The following PLEKHG1 variants were observed in gnomAD, a reference collection of about 807,000 sequenced individuals.
PLEKHG1 encodes the protein pleckstrin homology domain-containing family G member 1.
Under a neutral mutation model 100.8 loss-of-function variants are expected in PLEKHG1, and 44 were observed. That is an observed-to-expected ratio of 0.44 (90% CI 0.34 to 0.56). The LOEUF is 0.56. Ranked by LOEUF, PLEKHG1 falls within the 20% of genes least tolerant of loss-of-function variation. PLEKHG1 has a pLI of 0.01. For synonymous variants in PLEKHG1, 640 were observed against 662.5 expected (o/e 0.97, Z 0.52); for missense variants, 1,545 against 1,720.9 (o/e 0.90, Z 1.81).
At chr6:150,666,457 T>C (rs947057559) in intron 3 of PLEKHG1, among the ~76,000 whole-genome samples, 3 of 152,212 alleles carry the variant, frequency 2.0e-5, no homozygotes, top group African/African-American at 7.2e-5. Flanking sequence ...GGTCCGTTCA[T>C]TGCTAACTTG....
chr6:150,651,995 C>T (rs1364547567), intron 3 of PLEKHG1: 5 of 152,198 alleles, frequency 3.3e-5, no homozygotes, highest in Non-Finnish European at 7.3e-5. Context: ...TGTAATCGCA[C>T]ATGACCCATT....
At position 150,640,595 on chromosome 6, in the gene PLEKHG1, C is replaced by T. The variant is rs576356216; in HGVS notation, c.-158+2470C>T. On this transcript the variant is annotated intron_variant, in intron 2 of 3. Coordinates refer to the PLEKHG1 transcript ENST00000367326. ...CATCCGGACTCTCCCACGCAAAACCCTGCTTGGAATACCCACACCACGCTA... is the reference window on the plus strand; with the variant it reads ...CATCCGGACTCTCCCACGCAAAACCTTGCTTGGAATACCCACACCACGCTA... Among the ~76,000 whole-genome samples the T allele has an allele frequency of 3.3e-5, 5 of 152,260 alleles. No individual in the cohort carries two copies. In the East Asian group the frequency reaches 5.8e-4, roughly 18 times the overall value.
In PLEKHG1 at chr6:150,816,326, C is replaced by CTTT. The variant is rs1173343082; in HGVS notation, c.1279-1828_1279-1826dup. On this transcript the variant is annotated intron_variant, in intron 10 of 15. Transcript: ENST00000358517. ...GAGGTTTGAAGTTGTCTCAAACATA[C>CTTT]TTTTTTTTTTTTTTTTTTTTTTTTT... Among the ~76,000 whole-genome samples the CTTT allele has an allele frequency of 7.0e-3, 289 of 41,122 alleles. 89 individuals are homozygous for CTTT. The highest frequency in any genetic ancestry group is 0.017 in the East Asian group (18 of 1,060). The allele number at this position is 41,122 out of a possible 152,430, so 27.0% of individuals were successfully genotyped here.
intron 2 of PLEKHG1, among the ~76,000 whole-genome samples, chr6:150,734,923 G>C (rs1782481629): frequency 6.6e-6 from 1 of 151,590 alleles, no homozygotes; most frequent in Non-Finnish European, 1.5e-5. Context: ...TATCAGAGGA[G>C]CTCAGATGTT....
chr6:150,694,969 A>G (rs538029962), intron 3 of PLEKHG1, among the ~76,000 whole-genome samples: 2 of 152,334 alleles, frequency 1.3e-5, no homozygotes, highest in Admixed American at 1.3e-4. Flanking sequence ...GAAAACTAGA[A>G]TCAATGGTAT....
intron 2 of PLEKHG1, among the ~76,000 whole-genome samples, chr6:150,643,443 C>G (rs1297593525): frequency 1.3e-5 from 2 of 152,158 alleles, no homozygotes; most frequent in Non-Finnish European, 2.9e-5. Context: ...GGAATTGATA[C>G]AAACTGGAAA....
At chr6:150,722,355 T>C (rs1316297588) in intron 1 of PLEKHG1, among the ~76,000 whole-genome samples, 1 of 139,616 alleles carries the variant, frequency 7.2e-6, no homozygotes, top group Non-Finnish European at 1.6e-5. Flanking sequence ...TTTTCTTTTT[T>C]TTTTTTTTTT....
intron 3 of PLEKHG1, among the ~76,000 whole-genome samples, chr6:150,777,613 C>T (rs1051488012): frequency 6.6e-6 from 1 of 150,886 alleles, no homozygotes. Flanking sequence ...AATCCTGGTG[C>T]ACATGTGTGG....
intron 3 of PLEKHG1, among the ~76,000 whole-genome samples, chr6:150,692,465 A>G (rs1460516991): frequency 6.6e-6 from 1 of 152,236 alleles, no homozygotes; most frequent in Admixed American, 6.5e-5. Flanking sequence ...ATAAATATTC[A>G]CTGAGCAGCT....
In PLEKHG1 at chr6:150,831,268, C is replaced by T; in HGVS notation, c.2157C>T (p.Gly719=). ...GCTCTCTTTACGCACAAACAGATGG[C>T]ACCCTCTCAGGTGGAGAGGCATCCA... Residue 719 remains glycine (G), a synonymous_variant, in exon 15 of 16, where the codon GGC becomes GGT. Transcript: ENST00000358517. The surrounding 1 kb of genome is among the most constrained non-coding windows in gnomAD (Gnocchi z 4.1). 6 of 1,614,064 alleles carry T rather than the reference C, an allele frequency of 3.7e-6. No individual in the cohort carries two copies. The highest frequency in any genetic ancestry group is 5.1e-6 in the Non-Finnish European group (6 of 1,179,950).
At chr6:150,786,751 C>T (rs1287562886) in intron 4 of PLEKHG1, among the ~76,000 whole-genome samples, 1 of 151,848 alleles carries the variant, frequency 6.6e-6, no homozygotes, top group African/African-American at 2.4e-5. Context: ...AAAAATGGGC[C>T]GGGCATGGTG....
intron 1 of PLEKHG1, among the ~76,000 whole-genome samples, chr6:150,722,547 T>A (rs905631058): frequency 6.6e-6 from 1 of 152,084 alleles, no homozygotes; most frequent in Non-Finnish European, 1.5e-5. Context: ...AGAGACAGGG[T>A]TTCACCATGT....
intron 3 of PLEKHG1, among the ~76,000 whole-genome samples, chr6:150,698,455 G>A (rs1211153535): frequency 6.6e-6 from 1 of 151,464 alleles, no homozygotes; most frequent in East Asian, 1.9e-4. Flanking sequence ...CATATAAAGG[G>A]TTTGACTACC....
intron 3 of PLEKHG1, among the ~76,000 whole-genome samples, chr6:150,708,408 T>C (rs759523883): frequency 4.6e-5 from 7 of 152,206 alleles, no homozygotes; most frequent in Non-Finnish European, 1.0e-4. Context: ...ATTCCCCACA[T>C]AGAATCTGTG....
Position 150,683,731 on chromosome 6 carries a change from A to G in PLEKHG1, c.-99+32945A>G. On this transcript the variant is annotated intron_variant, in intron 3 of 3. Coordinates refer to the PLEKHG1 transcript ENST00000367326. The surrounding 1 kb of genome is among the most constrained non-coding windows in gnomAD (Gnocchi z 4.0). Reference sequence around the variant, plus strand: ...GTTGACACACGGACCCCTCTGCGCTAGTATCCAGGGCATAGGACGTCTGAA... The same window carrying G: ...GTTGACACACGGACCCCTCTGCGCTGGTATCCAGGGCATAGGACGTCTGAA... 1 of 1,218,574 alleles carries G rather than the reference A, an allele frequency of 8.2e-7. No homozygotes were observed. Among genetic ancestry groups the G allele is most frequent in the South Asian group, 1.3e-5 (1 of 77,840 alleles). 75.5% of individuals were successfully genotyped at this position (1,218,574 alleles called of 1,614,324 possible). A position where few individuals can be genotyped will look rare whatever the true frequency, so the allele number is the denominator to read the frequency against.
chr6:150,834,247 C>T lies in PLEKHG1; in HGVS notation c.3094+2042C>T, dbSNP rs926008553. ...ATTCAAGTCCCTATTCTGATGCTAG[C>T]GTTGCTAAGCTGGTTTGCTGTTACA... On this transcript the variant is annotated intron_variant, in intron 15 of 15. Transcript: ENST00000358517. 5.9e-5 allele frequency among the ~76,000 whole-genome samples: 9 copies of T among 152,104 alleles called. 1 individual carries two copies. In the South Asian group the frequency reaches 1.9e-3, roughly 32 times the overall value.
At position 150,765,687 on chromosome 6, in the gene PLEKHG1, C is replaced by G. The variant is rs1049234475; in HGVS notation, c.412-2951C>G. ...TGTAGATCAGAGCTTCTCAAACTAT[C>G]CATGGTGAGGGGCAAGTGTGTGTGT... On this transcript the variant is annotated intron_variant, in intron 2 of 15. Coordinates refer to ENST00000358517, the Ensembl canonical transcript of PLEKHG1. Among the ~76,000 whole-genome samples the G allele has an allele frequency of 6.6e-4, 101 of 151,996 alleles. 2 individuals are homozygous for G. Among genetic ancestry groups the G allele is most frequent in the Admixed American group, 6.6e-3 (100 of 15,250 alleles).
chr6:150,746,699 T>C (rs1440176465), intron 2 of PLEKHG1, among the ~76,000 whole-genome samples: 1 of 152,256 alleles, frequency 6.6e-6, no homozygotes, highest in Non-Finnish European at 1.5e-5. Flanking sequence ...ACTATAGCAT[T>C]TGCTATGAAT....
intron 3 of PLEKHG1, among the ~76,000 whole-genome samples, chr6:150,669,091 T>C (rs1779497800): frequency 6.6e-6 from 1 of 152,180 alleles, no homozygotes; most frequent in Non-Finnish European, 1.5e-5. Context: ...AAGCCTAAAA[T>C]AAGATCCCTG....
Sources: gnomAD v4.1 joint callset for allele counts (sites outside exome capture counted in the v4.1 genomes callset) on GRCh38, gnomAD v4.1.1 for gene constraint, Gnocchi (gnomAD v3.1) non-coding constraint, MANE v1.5 for transcripts, NCBI Gene and HGNC (gene_info 2026-07-23, HGNC 2026-07-21) for gene names.